The following THADA variants were observed in gnomAD, a reference collection of about 807,000 sequenced individuals.
The protein encoded by THADA is tRNA (32-2'-O)-methyltransferase regulator THADA.
In THADA, 213 loss-of-function variants were observed where a neutral mutation model predicts 219.8. That is an observed-to-expected ratio of 0.97 (90% confidence interval 0.87 to 1.09). The LOEUF (loss-of-function observed/expected upper bound fraction) is 1.09, where lower values mean the gene tolerates loss of function less well. Ranked by LOEUF, THADA falls within the 50% of genes least tolerant of loss-of-function variation. The pLI, the probability that THADA is intolerant of heterozygous loss-of-function variation, is 0.00. For missense variants in THADA, 2,956 were observed against 2,311.3 expected (o/e 1.28, Z -5.72); for synonymous variants, 1,018 against 828.9 (o/e 1.23, Z -3.92).
chr2:43,521,239 G>C (rs781291489), intron 22 of THADA, among the ~76,000 whole-genome samples: 1 of 121,440 alleles, frequency 8.2e-6, no homozygotes, highest in Admixed American at 7.5e-5. Context: ...CAAGAAGGCA[G>C]GCAGGCAGGC....
chr2:43,363,505 T>A (rs974443669), intron 29 of THADA, among the ~76,000 whole-genome samples: 1 of 152,210 alleles, frequency 6.6e-6, no homozygotes, highest in East Asian at 1.9e-4. Flanking sequence ...TTCCTGGCTA[T>A]CATGAAAACT....
intron 36 of THADA, among the ~76,000 whole-genome samples, chr2:43,244,580 G>A (rs1298290148): frequency 2.0e-5 from 3 of 152,184 alleles, no homozygotes; most frequent in African/African-American, 4.8e-5. Context: ...AGGTAATAAA[G>A]GCCAGTCCTT....
At chr2:43,401,455 T>A (rs1674828690) in intron 28 of THADA, among the ~76,000 whole-genome samples, 1 of 152,108 alleles carries the variant, frequency 6.6e-6, no homozygotes, top group Admixed American at 6.5e-5. Flanking sequence ...ATTTTTTTTA[T>A]TTGTAGTAGA....
rs761242226 is a variant in THADA, at chr2:43,577,262, C to G, written c.817-20G>C. 9 of 1,536,424 alleles carry G rather than the reference C, an allele frequency of 5.9e-6. No homozygotes were observed. Among genetic ancestry groups the G allele is most frequent in the South Asian group, 1.2e-5 (1 of 84,012 alleles). On this transcript the variant is annotated intron_variant, in intron 9 of 37. Transcript: ENST00000405975. ...GCTAATCTGGAAAAATATAGCAGAG[C>G]TAACACACATAAAGCTTTTAAAACT... is the stretch of plus-strand genomic sequence containing the variant.
intron 30 of THADA, among the ~76,000 whole-genome samples, chr2:43,335,904 C>G (rs1022182480): frequency 6.6e-6 from 1 of 151,954 alleles, no homozygotes; most frequent in African/African-American, 2.4e-5. Context: ...CGAGACCATC[C>G]TGGCTAACAT....
intron 20 of THADA, among the ~76,000 whole-genome samples, chr2:43,545,068 G>A (rs1695842140): frequency 6.6e-6 from 1 of 152,092 alleles, no homozygotes; most frequent in African/African-American, 2.4e-5. Context: ...CTAATTTATT[G>A]AGTTTTTAGC....
chr2:43,371,455 T>C (rs1670793976), intron 29 of THADA, among the ~76,000 whole-genome samples: 1 of 152,186 alleles, frequency 6.6e-6, no homozygotes, highest in African/African-American at 2.4e-5. Context: ...TGATTTTTCA[T>C]AATATAAGAA....
intron 17 of THADA, among the ~76,000 whole-genome samples, chr2:43,553,468 G>T (rs1301025934): frequency 6.6e-6 from 1 of 152,152 alleles, no homozygotes; most frequent in Non-Finnish European, 1.5e-5. Flanking sequence ...TGCCATGTGA[G>T]CACACAGCAA....
At chr2:43,256,330 C>T (rs931346925) in intron 36 of THADA, among the ~76,000 whole-genome samples, 2 of 151,586 alleles carry the variant, frequency 1.3e-5, no homozygotes, top group African/African-American at 2.4e-5. Context: ...AGCAGCACAG[C>T]GAGACCTTGT....
intron 20 of THADA, among the ~76,000 whole-genome samples, chr2:43,541,696 G>A (rs974152239): frequency 1.3e-5 from 2 of 151,904 alleles, no homozygotes; most frequent in South Asian, 4.2e-4. Context: ...TTTTTGTAAA[G>A]ACAGGGTTTC....
chr2:43,534,474 T>C (rs1574123617), intron 21 of THADA, among the ~76,000 whole-genome samples: 2 of 152,072 alleles, frequency 1.3e-5, no homozygotes, highest in Non-Finnish European at 2.9e-5. Flanking sequence ...TCTACCTATC[T>C]CCACCCTCTC....
intron 29 of THADA, among the ~76,000 whole-genome samples, chr2:43,375,912 C>T (rs150128600): frequency 4.6e-5 from 7 of 152,302 alleles, no homozygotes; most frequent in African/African-American, 1.7e-4. Context: ...AAGCATTTTG[C>T]AAGAGAATTT....
At chr2:43,300,476 C>T (rs1676128012) in intron 31 of THADA, among the ~76,000 whole-genome samples, 1 of 152,060 alleles carries the variant, frequency 6.6e-6, no homozygotes, top group Admixed American at 6.6e-5. Context: ...AAAGAGAATA[C>T]ACACTAAAGC....
rs536657264 is a variant in THADA, at chr2:43,528,509, C to A, written c.3265-521G>T. Among the ~76,000 whole-genome samples, 25 of 152,244 alleles carry A rather than the reference C, an allele frequency of 1.6e-4. No homozygotes were observed. In the South Asian group the frequency reaches 5.0e-3, roughly 30 times the overall value. On this transcript the variant is annotated intron_variant, in intron 21 of 37. Transcript: ENST00000405975. ...GAAATAAGTACGATCATTATCTCTACTTCACAATTGGAAAACTGAGGCCAA... is the reference window on the plus strand; with the variant it reads ...GAAATAAGTACGATCATTATCTCTAATTCACAATTGGAAAACTGAGGCCAA...
intron 36 of THADA, among the ~76,000 whole-genome samples, chr2:43,253,811 T>C (rs932907940): frequency 2.0e-5 from 3 of 152,176 alleles, no homozygotes; most frequent in African/African-American, 7.2e-5. Flanking sequence ...AATGTGTAGC[T>C]CTGATCACGC....
Position 43,395,984 on chromosome 2 carries a change from T to C in THADA, c.4227+1987A>G, listed in dbSNP as rs536739409. ...GTTGGCCAGGCTGGTCTTGAACTCC[T>C]GGCCTCAAGTGATCTGTCCAGCTCA... On this transcript the variant is annotated intron_variant, in intron 29 of 37. Coordinates refer to ENST00000405975, the MANE Select transcript of THADA (RefSeq NM_022065.5). 5.3e-5 allele frequency among the ~76,000 whole-genome samples: 8 copies of C among 152,338 alleles called. 1 individual carries two copies. Among genetic ancestry groups the C allele is most frequent in the South Asian group, 4.1e-4 (2 of 4,834 alleles).
In THADA at chr2:43,309,982, T is replaced by G. The variant is rs185516971; in HGVS notation, c.4438+10464A>C. ...CTATTTATAACAGCATCAAAAAGAATAGGAACAAATTATTTAATGAAAGAT... is the reference window on the plus strand; with the variant it reads ...CTATTTATAACAGCATCAAAAAGAAGAGGAACAAATTATTTAATGAAAGAT... On this transcript the variant is annotated intron_variant, in intron 31 of 37. Transcript: ENST00000405975. Among the ~76,000 whole-genome samples, 1,122 of 152,186 alleles carry G rather than the reference T, an allele frequency of 7.4e-3. 6 individuals are homozygous for G. The highest frequency in any genetic ancestry group is 0.015 in the South Asian group (71 of 4,816).
rs568533205 is a variant in THADA at position 43,586,187 on chromosome 2, C to T, written c.533+214G>A. Among the ~76,000 whole-genome samples, 8 of 152,178 alleles carry T rather than the reference C, an allele frequency of 5.3e-5. No homozygotes were observed. The South Asian group carries it at 1.7e-3, about 32-fold the overall frequency. On this transcript the variant is annotated intron_variant, in intron 7 of 37. Transcript: ENST00000405975. ...AGCTGAGGTGATACAAACACTTGAG[C>T]CCAGGAGGTTGAGGCTGCAGCGAGC...
intron 21 of THADA, 126 bp from the exon 22 acceptor site, chr2:43,528,114 A>C: frequency 9.1e-6 from 4 of 439,854 alleles, no homozygotes; most frequent in Admixed American, 4.1e-5. Context: ...ATATGACAGA[A>C]CATGTTTTAA....
Sources: gnomAD v4.1 joint callset for allele counts (sites outside exome capture counted in the v4.1 genomes callset) on GRCh38, gnomAD v4.1.1 for gene constraint, MANE v1.5 for transcripts, NCBI Gene and HGNC (gene_info 2026-07-23, HGNC 2026-07-21) for gene names.